Variants in FSD1L observed in about 807,000 individuals in gnomAD.
FSD1L encodes FSD1-like protein.
In FSD1L, 45 loss-of-function variants were observed where a neutral mutation model predicts 71.6. The observed-to-expected ratio is 0.63, with a 90% CI of 0.49 to 0.81. The LOEUF (loss-of-function observed/expected upper bound fraction) is 0.81. Ranked by LOEUF, FSD1L falls within the 30% of genes least tolerant of loss-of-function variation. The pLI is 0.00. For missense variants in FSD1L, 561 were observed against 618.1 expected, an observed-to-expected ratio of 0.91 and a Z score of 0.98; for synonymous variants, 197 against 207.2, an observed-to-expected ratio of 0.95 and a Z score of 0.42.
intron 10 of FSD1L, among the ~76,000 whole-genome samples, chr9:105,515,442 C>T (rs141762789): frequency 2.0e-5 from 3 of 152,176 alleles, no homozygotes; most frequent in Admixed American, 1.3e-4. Flanking sequence ...GCAAGATAGA[C>T]GCAGAAGGCA....
At chr9:105,499,250 A>G (rs117453230) in intron 7 of FSD1L, among the ~76,000 whole-genome samples, 1 of 152,224 alleles carries the variant, frequency 6.6e-6, no homozygotes, top group African/African-American at 2.4e-5. Context: ...TCACTTATGC[A>G]GCAGTATGTG....
intron 10 of FSD1L, chr9:105,530,513 A>C (rs1311409195): frequency 1.6e-5 from 11 of 670,118 alleles, no homozygotes; most frequent in Non-Finnish European, 2.4e-5. Context: ...GTAAGTTACA[A>C]ATTTTTAAAA....
intron 2 of FSD1L, among the ~76,000 whole-genome samples, chr9:105,463,346 G>A (rs1830844556): frequency 6.6e-6 from 1 of 152,104 alleles, no homozygotes; most frequent in African/African-American, 2.4e-5. Flanking sequence ...AAGTATTAAA[G>A]TACTTGCATT....
intron 5 of FSD1L, 81 bp downstream of exon 5, chr9:105,472,086 A>G: frequency 1.5e-6 from 2 of 1,341,372 alleles, no homozygotes; most frequent in Non-Finnish European, 9.7e-7. Flanking sequence ...TTAGTTTTGG[A>G]TTTCTTTACT....
chr9:105,501,739 T>C (rs1264693890), intron 7 of FSD1L, among the ~76,000 whole-genome samples: 1 of 152,058 alleles, frequency 6.6e-6, no homozygotes, highest in African/African-American at 2.4e-5. Flanking sequence ...CAGCCATCAT[T>C]TCCGCGTTTA....
chr9:105,476,934 A>G (rs1349552655), intron 5 of FSD1L, among the ~76,000 whole-genome samples: 1 of 152,194 alleles, frequency 6.6e-6, no homozygotes, highest in Non-Finnish European at 1.5e-5. Context: ...TTGAACCTAA[A>G]TGAAAGTGGA....
At chr9:105,445,524 G>A (rs924772053), upstream of FSD1L, among the ~76,000 whole-genome samples, 3 of 152,046 alleles carry the variant, frequency 2.0e-5, no homozygotes, top group Non-Finnish European at 4.4e-5. Flanking sequence ...AAAGTGCCTA[G>A]GAATTGCCCT....
rs143912434 is a variant in FSD1L, at chr9:105,518,972, G to A, written c.1025+6036G>A. ...TAGATGCAATAAAAAATGATATAGG[G>A]GATATCACCATTGATCCCACAGAAA... On this transcript the variant is annotated intron_variant, in intron 10 of 13. Coordinates refer to ENST00000481272, the MANE Select transcript of FSD1L (RefSeq NM_001145313.3). Among the ~76,000 whole-genome samples the A allele has an allele frequency of 8.3e-3, 1,267 of 152,114 alleles. 20 individuals carry two copies. The highest frequency in any genetic ancestry group is 0.029 in the African/African-American group (1,208 of 41,486).
chr9:105,461,824 G>A (rs1830717255), intron 2 of FSD1L, among the ~76,000 whole-genome samples: 1 of 152,068 alleles, frequency 6.6e-6, no homozygotes, highest in South Asian at 2.1e-4. Context: ...GACCAGCCTG[G>A]GCAACATAGT....
Position 105,484,510 on chromosome 9 carries a change from C to T in FSD1L, c.586+8C>T. On this transcript the variant is annotated splice_region_variant and intron_variant, in intron 7 of 13. Coordinates refer to ENST00000481272, the MANE Select transcript of FSD1L (RefSeq NM_001145313.3). ...CTTTGAAGTTTTTGCCAGGTAAATA[C>T]ATGTATTACATGTAAAGTTTTGTAT... 6.8e-7 allele frequency: 1 copy of T among 1,469,650 alleles called. No homozygotes were observed. 91.0% of individuals were successfully genotyped at this position (1,469,650 alleles called of 1,614,324 possible).
chr9:105,452,994 C>T (rs1166640298), intron 1 of FSD1L, among the ~76,000 whole-genome samples: 1 of 150,326 alleles, frequency 6.7e-6, no homozygotes, highest in East Asian at 1.9e-4. Context: ...GCCTTGGCCT[C>T]CTAAAGTGCT....
At chr9:105,525,350 T>A (rs1835440744) in intron 10 of FSD1L, 3 of 1,591,736 alleles carry the variant, frequency 1.9e-6, no homozygotes, top group Non-Finnish European at 2.6e-6. Context: ...AGAACTGGAA[T>A]CTCACTTAAT....
At chr9:105,462,582 G>A (rs1830779611) in intron 2 of FSD1L, among the ~76,000 whole-genome samples, 2 of 145,814 alleles carry the variant, frequency 1.4e-5, no homozygotes, top group African/African-American at 5.1e-5. Context: ...GGAGTGCAGT[G>A]GTGAGATCTC....
intron 3 of FSD1L, among the ~76,000 whole-genome samples, chr9:105,465,421 C>G (rs1830992513): frequency 1.3e-5 from 2 of 152,128 alleles, no homozygotes; most frequent in Admixed American, 1.3e-4. Context: ...TCAACATTAT[C>G]CCAATAATAA....
chr9:105,456,485 A>G (rs1424630349), intron 1 of FSD1L, among the ~76,000 whole-genome samples: 1 of 152,232 alleles, frequency 6.6e-6, no homozygotes, highest in Non-Finnish European at 1.5e-5. Flanking sequence ...CTTGATTGAT[A>G]ATGATTATAA....
At chr9:105,495,280 C>T (rs908014386) in intron 7 of FSD1L, among the ~76,000 whole-genome samples, 1 of 152,172 alleles carries the variant, frequency 6.6e-6, no homozygotes, top group African/African-American at 2.4e-5. Flanking sequence ...CAGCGAGACT[C>T]CGTGGGTGTA....
chr9:105,491,067 A>T (rs1476239752), intron 7 of FSD1L, among the ~76,000 whole-genome samples: 1 of 152,112 alleles, frequency 6.6e-6, no homozygotes, highest in Non-Finnish European at 1.5e-5. Context: ...CTTGATGGGG[A>T]TGGCATTAAA....
At chr9:105,519,674 C>G (rs1042383622) in intron 10 of FSD1L, among the ~76,000 whole-genome samples, 2 of 152,216 alleles carry the variant, frequency 1.3e-5, no homozygotes, top group African/African-American at 4.8e-5. Context: ...GCTGTTTATG[C>G]AAACCCACAG....
At chr9:105,508,368 C>T (rs907317569) in intron 8 of FSD1L, among the ~76,000 whole-genome samples, 1 of 151,388 alleles carries the variant, frequency 6.6e-6, no homozygotes, top group Non-Finnish European at 1.5e-5. Flanking sequence ...TAGTAGAGAC[C>T]GGGTTTCACC....
Sources: gnomAD v4.1 joint callset for allele counts (sites outside exome capture counted in the v4.1 genomes callset) on GRCh38, gnomAD v4.1.1 for gene constraint, MANE v1.5 for transcripts, NCBI Gene and HGNC (gene_info 2026-07-23, HGNC 2026-07-21) for gene names.